Variants in CNBD1 observed in about 807,000 individuals in gnomAD.
The protein encoded by CNBD1 is cyclic nucleotide-binding domain-containing protein 1.
CNBD1 carries 71 observed loss-of-function variants against 54.4 expected under a neutral mutation model. The observed-to-expected ratio is 1.30, with a 90% CI of 1.08 to 1.59. The LOEUF (loss-of-function observed/expected upper bound fraction) is 1.59. CNBD1 is among the 40% of genes most tolerant of loss of function. CNBD1 has a pLI of 0.00. For synonymous variants in CNBD1, 182 were observed against 170.7 expected, an observed-to-expected ratio of 1.07 and a Z score of -0.51; for missense variants, 659 against 518.0, an observed-to-expected ratio of 1.27 and a Z score of -2.64.
chr8:87,178,962 C>T (rs1813254878), intron 4 of CNBD1, among the ~76,000 whole-genome samples: 1 of 152,156 alleles, frequency 6.6e-6, no homozygotes, highest in African/African-American at 2.4e-5. Context: ...GGCTGGAGTG[C>T]AATGACGTGA....
intron 2 of CNBD1, among the ~76,000 whole-genome samples, chr8:87,401,471 G>A (rs1242268417): frequency 6.6e-6 from 1 of 152,068 alleles, no homozygotes; most frequent in African/African-American, 2.4e-5. Context: ...TGCTGAGAGA[G>A]ACTTTTCACT....
At position 87,422,378 on chromosome 8, in the gene CNBD1, G is replaced by A. The variant is rs1000912297; in HGVS notation, c.214-6168G>A. Among the ~76,000 whole-genome samples the A allele has an allele frequency of 6.6e-3, 742 of 113,118 alleles. 7 individuals carry two copies. The highest frequency in any genetic ancestry group is 0.031 in the African/African-American group (701 of 22,918). The allele number at this position is 113,118 out of a possible 152,430, so 74.2% of individuals were successfully genotyped here. A position where few individuals can be genotyped will look rare whatever the true frequency, so the allele number is the denominator to read the frequency against. On this transcript the variant is annotated intron_variant, in intron 2 of 7. Transcript: ENST00000521593. Reference sequence around the variant, plus strand: ...CCTATGTCCTGAATGGTAATGCCTAGGTTTTCTTCCAGGGTTTTTATGGTT... The same window carrying A: ...CCTATGTCCTGAATGGTAATGCCTAAGTTTTCTTCCAGGGTTTTTATGGTT...
chr8:87,428,612 A>T (rs1314089957), exon 3 of CNBD1: 1 of 454,414 alleles, frequency 2.2e-6, no homozygotes, highest in Admixed American at 2.4e-5. Flanking sequence ...CATCTGACAG[A>T]TGTAAGTAAA....
At chr8:86,997,132 A>G (rs931367051) in intron 4 of CNBD1, among the ~76,000 whole-genome samples, 2 of 152,198 alleles carry the variant, frequency 1.3e-5, no homozygotes, top group African/African-American at 4.8e-5. Context: ...TACTTGTTCT[A>G]GGACCCTAAG....
At chr8:87,296,676 G>GT (rs1383227953) in intron 8 of CNBD1, among the ~76,000 whole-genome samples, 1 of 151,538 alleles carries the variant, frequency 6.6e-6, no homozygotes, top group African/African-American at 2.4e-5. Context: ...ATGCTGTCGT[G>GT]ACCAATGACC....
chr8:86,916,473 C>T (rs921231190), intron 3 of CNBD1, among the ~76,000 whole-genome samples: 2 of 152,120 alleles, frequency 1.3e-5, no homozygotes, highest in Non-Finnish European at 2.9e-5. Context: ...AGTGTGTTTA[C>T]TAGAGTTGTA....
intron 4 of CNBD1, among the ~76,000 whole-genome samples, chr8:87,205,015 A>AAC (rs1388013437): frequency 6.6e-6 from 1 of 152,104 alleles, no homozygotes; most frequent in Non-Finnish European, 1.5e-5. Flanking sequence ...TCATTCTATA[A>AAC]ACACACACAG....
At chr8:87,370,559 C>A (rs1277356762) in intron 10 of CNBD1, among the ~76,000 whole-genome samples, 1 of 152,078 alleles carries the variant, frequency 6.6e-6, no homozygotes, top group African/African-American at 2.4e-5. Flanking sequence ...CCTTTGCCCA[C>A]TTTTTGATGG....
chr8:86,873,348 G>A (rs933816352), intron 1 of CNBD1, among the ~76,000 whole-genome samples: 69 of 151,864 alleles, frequency 4.5e-4, no homozygotes, highest in African/African-American at 1.5e-3. Flanking sequence ...TGATCTGCCC[G>A]CCTCGGCCTC....
intron 4 of CNBD1, among the ~76,000 whole-genome samples, chr8:86,983,994 A>C (rs1808547320): frequency 6.6e-6 from 1 of 152,140 alleles, no homozygotes; most frequent in South Asian, 2.1e-4. Context: ...CATGTCAGAG[A>C]CTTTTGTGTC....
intron 2 of CNBD1, among the ~76,000 whole-genome samples, chr8:87,414,530 A>G (rs1246240869): frequency 6.6e-6 from 1 of 152,120 alleles, no homozygotes; most frequent in Admixed American, 6.6e-5. Flanking sequence ...AATAATAAAT[A>G]AAAAAAGAAA....
At chr8:87,344,295 ATAG>A (rs904070476) in intron 8 of CNBD1, among the ~76,000 whole-genome samples, 2 of 152,088 alleles carry the variant, frequency 1.3e-5, no homozygotes, top group African/African-American at 4.8e-5. Flanking sequence ...GGGTAAAATA[ATAG>A]TTTCAGAATA....
intron 2 of CNBD1, among the ~76,000 whole-genome samples, chr8:86,891,147 C>T (rs551719762): frequency 3.3e-5 from 5 of 151,996 alleles, no homozygotes; most frequent in African/African-American, 1.2e-4. Flanking sequence ...TCAGGTCATA[C>T]TCAAAAAATC....
At chr8:86,904,563 A>T (rs75716171) in intron 2 of CNBD1, among the ~76,000 whole-genome samples, 1 of 152,074 alleles carries the variant, frequency 6.6e-6, no homozygotes, top group African/African-American at 2.4e-5. Flanking sequence ...CAATAAATGG[A>T]TCAGAAATTT....
chr8:87,074,554 G>A (rs1288809672), intron 4 of CNBD1, among the ~76,000 whole-genome samples: 3 of 152,124 alleles, frequency 2.0e-5, no homozygotes, highest in Non-Finnish European at 4.4e-5. Flanking sequence ...TCGAATCCAA[G>A]GCCCTGGTGC....
chr8:87,004,366 C>A (rs955910423), intron 4 of CNBD1, among the ~76,000 whole-genome samples: 1 of 152,054 alleles, frequency 6.6e-6, no homozygotes, highest in African/African-American at 2.4e-5. Context: ...TGTGCATTGT[C>A]TTTTCCTTTG....
chr8:87,391,168 A>C (rs1013854848), intron 2 of CNBD1, among the ~76,000 whole-genome samples: 8 of 152,066 alleles, frequency 5.3e-5, no homozygotes, highest in Admixed American at 2.0e-4. Context: ...GTGCAGCACA[A>C]CAACATGGCA....
chr8:87,262,038 CAGCTACTTTGAGGGCTG>C (rs1194994942), intron 6 of CNBD1, among the ~76,000 whole-genome samples: 1 of 151,724 alleles, frequency 6.6e-6, no homozygotes, highest in East Asian at 1.9e-4. Context: ...CCTGTAGTCC[CAGCTACTTTGAGGGCTG>C]AGGAAGGAGG....
chr8:86,967,445 A>C (rs1043974281), intron 4 of CNBD1, among the ~76,000 whole-genome samples: 1 of 152,178 alleles, frequency 6.6e-6, no homozygotes, highest in South Asian at 2.1e-4. Context: ...TCTGGTCCCA[A>C]CTCAGAAGGG....
Sources: gnomAD v4.1 joint callset for allele counts (sites outside exome capture counted in the v4.1 genomes callset) on GRCh38, gnomAD v4.1.1 for gene constraint, MANE v1.5 for transcripts, NCBI Gene and HGNC (gene_info 2026-07-23, HGNC 2026-07-21) for gene names.